Variants in RNF212 observed in about 807,000 individuals in gnomAD.
The protein encoded by RNF212 is ring finger protein 212, also known as probable E3 SUMO-protein ligase RNF212.
RNF212 carries 33 observed loss-of-function variants against 34.7 expected under a neutral mutation model. That is an observed-to-expected ratio of 0.95 (90% CI 0.72 to 1.27). The LOEUF (loss-of-function observed/expected upper bound fraction) is 1.27, where lower values mean the gene tolerates loss of function less well. Ranked by LOEUF, RNF212 falls within the 50% of genes most tolerant of loss-of-function variation. RNF212 has a pLI of 0.00. For synonymous variants in RNF212, 140 were observed against 136.1 expected, an observed-to-expected ratio of 1.03 and a Z score of -0.20; for missense variants, 377 against 362.2, an observed-to-expected ratio of 1.04 and a Z score of -0.33.
At chr4:1,096,676 C>T (rs1023254088) in intron 3 of RNF212, 89 bp downstream of exon 3, 2 of 851,642 alleles carry the variant, frequency 2.3e-6, no homozygotes, top group Non-Finnish European at 3.8e-6. Context: ...TGGCTCATCA[C>T]AGAACCAAGC....
At chr4:1,088,577 G>A (rs566553656) in intron 4 of RNF212, among the ~76,000 whole-genome samples, 1 of 152,348 alleles carries the variant, frequency 6.6e-6, no homozygotes, top group South Asian at 2.1e-4. Context: ...CAAGCTGGCT[G>A]CAGAAATGTG....
upstream of RNF212, chr4:1,113,700 G>T: frequency 2.3e-6 from 1 of 426,678 alleles, no homozygotes; most frequent in Non-Finnish European, 4.2e-6. Flanking sequence ...TGGAGTAGGC[G>T]GAGGAACGCA....
chr4:1,079,131 T>C (rs932649878), intron 8 of RNF212, among the ~76,000 whole-genome samples: 8 of 140,864 alleles, frequency 5.7e-5, no homozygotes, highest in East Asian at 2.1e-4. Context: ...AGGACCAACA[T>C]AGGACCAACA....
rs532776740 is a variant in RNF212, at chr4:1,111,401, T to C, written c.109+1955A>G. Among the ~76,000 whole-genome samples, 408 of 152,170 alleles carry C rather than the reference T, an allele frequency of 2.7e-3. 1 individual carries two copies. Among genetic ancestry groups the C allele is most frequent in the South Asian group, 4.6e-3 (22 of 4,812 alleles). On this transcript the variant is annotated intron_variant, in intron 1 of 9. Transcript: ENST00000433731. ...TGCCTCTTGTCTTCCCCTGGATGGC[T>C]CTCACAGGATACAGGCCGTGTCCAG...
downstream of RNF212, among the ~76,000 whole-genome samples, chr4:1,066,992 C>T (rs1423752397): frequency 6.6e-6 from 1 of 152,134 alleles, no homozygotes; most frequent in East Asian, 1.9e-4. Context: ...AGGAGTCCAA[C>T]TTCATTATTC....
At chr4:1,062,999 T>C (rs1223900316) in intron 3 of RNF212, among the ~76,000 whole-genome samples, 1 of 152,200 alleles carries the variant, frequency 6.6e-6, no homozygotes, top group African/African-American at 2.4e-5. Context: ...ATTTTACCAA[T>C]GAAGTGCAAG....
At chr4:1,078,817 TCAACACAGGAC>T (rs1194238695) in intron 8 of RNF212, among the ~76,000 whole-genome samples, 2 of 135,532 alleles carry the variant, frequency 1.5e-5, no homozygotes, top group South Asian at 2.4e-4. Flanking sequence ...CAACACAGGG[TCAACACAGGAC>T]CAACACGGGA....
chr4:1,068,250 C>G (rs1387475242), downstream of RNF212, among the ~76,000 whole-genome samples: 1 of 152,194 alleles, frequency 6.6e-6, no homozygotes, highest in African/African-American at 2.4e-5. Flanking sequence ...TGTGGTATTT[C>G]TGAAAGGAGA....
At chr4:1,057,214 C>T (rs1717384459) in intron 4 of RNF212, among the ~76,000 whole-genome samples, 1 of 152,150 alleles carries the variant, frequency 6.6e-6, no homozygotes, top group Admixed American at 6.5e-5. Flanking sequence ...GGGTCGACAA[C>T]CCAGGCCAGC....
intron 4 of RNF212, chr4:1,056,588 A>G: frequency 1.5e-6 from 1 of 647,914 alleles, no homozygotes; most frequent in Non-Finnish European, 1.9e-6. Flanking sequence ...TGTATTTTAA[A>G]AAATTCAGAT....
At chr4:1,093,570 G>C (rs942064723) in intron 3 of RNF212, 2 of 1,536,024 alleles carry the variant, frequency 1.3e-6, no homozygotes, top group Non-Finnish European at 1.7e-6. Context: ...AAGCCTGAGA[G>C]GCACGAGAGG....
rs754697971 is a variant in RNF212, at chr4:1,072,552, C to A, written c.*322G>T. 7.0e-5 allele frequency: 38 copies of A among 544,038 alleles called. No individual in the cohort carries two copies. The highest frequency in any genetic ancestry group is 1.7e-3 in the Middle Eastern group (2 of 1,208). The allele number at this position is 544,038 out of a possible 1,614,324, so 33.7% of individuals were successfully genotyped here. A position where few individuals can be genotyped will look rare whatever the true frequency, so the allele number is the denominator to read the frequency against. The stretch of plus-strand genomic sequence containing the variant: ...ACCTTCCTTTCAATTTTTCTGTGAA[C>A]CTAAAACTGCTCTAAGAAAAAGTTT... On this transcript the variant is annotated 3_prime_UTR_variant, in exon 10 of 10. Coordinates refer to ENST00000433731, the MANE Select transcript of RNF212 (RefSeq NM_001131034.4).
intron 5 of RNF212, among the ~76,000 whole-genome samples, chr4:1,082,123 CA>C (rs1560115955): frequency 6.6e-6 from 1 of 150,842 alleles, no homozygotes; most frequent in East Asian, 1.9e-4. Context: ...GAACTCATCT[CA>C]AAAAAGGAAA....
intron 4 of RNF212, among the ~76,000 whole-genome samples, chr4:1,089,241 C>T (rs187569047): frequency 6.6e-6 from 1 of 152,314 alleles, no homozygotes; most frequent in South Asian, 2.1e-4. Context: ...TGGGAGCCCC[C>T]CTACCCTTAA....
intron 2 of RNF212, chr4:1,099,852 G>C (rs541624975): frequency 2.2e-6 from 1 of 456,254 alleles, no homozygotes; most frequent in African/African-American, 2.0e-5. Context: ...CCCCTGTGCG[G>C]GATCCACGGG....
At chr4:1,107,651 T>G (rs1431345463) in intron 2 of RNF212, among the ~76,000 whole-genome samples, 1 of 151,284 alleles carries the variant, frequency 6.6e-6, no homozygotes, top group Non-Finnish European at 1.5e-5. Flanking sequence ...GGGGTTTCAC[T>G]GAGTTGGCCA....
intron 3 of RNF212, among the ~76,000 whole-genome samples, chr4:1,060,512 G>A (rs574669152): frequency 2.6e-5 from 4 of 152,050 alleles, no homozygotes; most frequent in South Asian, 2.1e-4. Flanking sequence ...CCAAGGGGGC[G>A]CCATGTTTCA....
intron 2 of RNF212, among the ~76,000 whole-genome samples, chr4:1,105,618 T>C (rs1392052521): frequency 6.6e-6 from 1 of 152,260 alleles, no homozygotes; most frequent in East Asian, 1.9e-4. Context: ...AACATGAGAC[T>C]GGAAACCATC....
intron 3 of RNF212, among the ~76,000 whole-genome samples, chr4:1,095,938 T>C (rs66732071): frequency 2.2e-4 from 15 of 68,092 alleles, no homozygotes; most frequent in Admixed American, 7.8e-4. Context: ...CACAGCTCCA[T>C]GGTCTCGGGA....
Sources: allele counts gnomAD v4.1 joint callset (sites outside exome capture counted in the v4.1 genomes callset), GRCh38; gene constraint gnomAD v4.1.1; transcripts MANE v1.5; gene names NCBI Gene and HGNC (gene_info 2026-07-23, HGNC 2026-07-21).